Variants in ZBTB49 observed in about 807,000 individuals in gnomAD.
ZBTB49 encodes zinc finger and BTB domain-containing protein 49.
In ZBTB49, 43 loss-of-function variants were observed where a neutral mutation model predicts 57.5. The observed-to-expected ratio is 0.75, with a 90% CI of 0.59 to 0.97. The LOEUF (loss-of-function observed/expected upper bound fraction) is 0.97, where lower values mean the gene tolerates loss of function less well. Ranked by LOEUF, ZBTB49 falls within the 50% of genes least tolerant of loss-of-function variation. The probability of loss-of-function intolerance (pLI) is 0.00; values close to 1 mark genes in which losing one functional copy is unlikely to be tolerated. For synonymous variants in ZBTB49, 369 were observed against 362.1 expected (o/e 1.02, Z -0.22); for missense variants, 938 against 947.7 (o/e 0.99, Z 0.13).
intron 1 of ZBTB49, among the ~76,000 whole-genome samples, chr4:4,295,840 A>G (rs576718737): frequency 3.0e-4 from 45 of 152,334 alleles, no homozygotes; most frequent in South Asian, 1.2e-3. Flanking sequence ...GGGGAATCAG[A>G]ATAAGGTCTC....
intron 7 of ZBTB49, among the ~76,000 whole-genome samples, chr4:4,319,682 G>T (rs1364714377): frequency 6.6e-6 from 1 of 152,146 alleles, no homozygotes; most frequent in Non-Finnish European, 1.5e-5. Flanking sequence ...TTAGCCTGGT[G>T]TGTTGGCACA....
chr4:4,321,419 C>T lies in ZBTB49; in HGVS notation c.*103C>T. 8.4e-7 allele frequency: 1 copy of T among 1,192,778 alleles called. No individual in the cohort carries two copies. The highest frequency in any genetic ancestry group is 1.2e-6 in the Non-Finnish European group (1 of 846,168). 73.9% of individuals were successfully genotyped at this position (1,192,778 alleles called of 1,614,324 possible). A position where few individuals can be genotyped will look rare whatever the true frequency, so the allele number is the denominator to read the frequency against. ...CCCCATGACAGTGCCTTCTAACTAG[C>T]CAGAGAATAGGTAGCTTCCCTCCTG... On this transcript the variant is annotated 3_prime_UTR_variant, in exon 8 of 8. Transcript: ENST00000337872.
chr4:4,294,871 T>TTGTGTG (rs1560103816), intron 1 of ZBTB49, among the ~76,000 whole-genome samples: 1 of 83,884 alleles, frequency 1.2e-5, no homozygotes, highest in Non-Finnish European at 2.6e-5. Context: ...GAGGAGGGTT[T>TTGTGTG]CGTGTGTGTG....
At chr4:4,299,776 G>GGTGT (rs33911857) in intron 1 of ZBTB49, among the ~76,000 whole-genome samples, 151 bp from the exon 2 acceptor site, 13,288 of 103,446 alleles carry the variant, frequency 0.13, 1,386 homozygotes, top group African/African-American at 0.28. Flanking sequence ...CAGAAACAGA[G>GGTGT]GTGTGTGTGT....
At chr4:4,297,704 G>T (rs1720276423) in intron 1 of ZBTB49, among the ~76,000 whole-genome samples, 1 of 150,780 alleles carries the variant, frequency 6.6e-6, no homozygotes, top group Admixed American at 6.6e-5. Flanking sequence ...AGCCCAGGAG[G>T]TTAAGACTGC....
In ZBTB49 at chr4:4,299,921, CT is replaced by C. The variant is rs769901793; in HGVS notation, c.-19-5del. ...TATCTGTCGTATCTGTGATTTTTTG[CT>C]GTAGGTCACCTGAATGGTTGAGCAT... On this transcript the variant is annotated splice_region_variant and splice_polypyrimidine_tract_variant and intron_variant, in intron 1 of 7. Transcript: ENST00000337872. The C allele has an allele frequency of 1.9e-6, 3 of 1,610,130 alleles. No individual in the cohort carries two copies. In the Admixed American group the frequency reaches 5.1e-5, roughly 27 times the overall value.
chr4:4,316,910 C>T (rs1043489149), intron 7 of ZBTB49, among the ~76,000 whole-genome samples: 3 of 152,284 alleles, frequency 2.0e-5, no homozygotes, highest in South Asian at 4.1e-4. Context: ...TGGTGGCGTT[C>T]GCCTGTAATC....
chr4:4,309,195 C>T (rs867241159), intron 4 of ZBTB49, among the ~76,000 whole-genome samples: 20 of 152,178 alleles, frequency 1.3e-4, no homozygotes, highest in African/African-American at 4.1e-4. Context: ...AATAGTTAAC[C>T]GCAGCCTGCA....
Position 4,302,459 on chromosome 4 carries a change from A to G in ZBTB49, c.623A>G (p.Lys208Arg). The stretch of plus-strand genomic sequence containing the variant: ...GGCAGCTGCACAGAACTGCCTTTCA[A>G]ACAGCCAAATTACTATTACAAACTC... ...SDGSCTELPF[K>R]QPNYYYKLRN... is the part of the protein sequence containing the mutation. Residue 208 changes from lysine (K) to arginine (R), a missense_variant, in exon 3 of 8, where the codon AAA becomes AGA. Coordinates refer to ENST00000337872, the MANE Select transcript of ZBTB49 (RefSeq NM_145291.4). 5.0e-6 allele frequency: 8 copies of G among 1,614,188 alleles called. No homozygotes were observed. Among genetic ancestry groups the G allele is most frequent in the Non-Finnish European group, 6.8e-6 (8 of 1,180,024 alleles).
At chr4:4,316,109 A>C in intron 7 of ZBTB49, 139 bp downstream of exon 7, 6 of 1,144,754 alleles carry the variant, frequency 5.2e-6, no homozygotes, top group Non-Finnish European at 7.4e-6. Flanking sequence ...ATGATCTCTC[A>C]TTCATTCCTG....
At chr4:4,300,445 C>T (rs910608680) in intron 2 of ZBTB49, among the ~76,000 whole-genome samples, 4 of 151,996 alleles carry the variant, frequency 2.6e-5, no homozygotes, top group African/African-American at 7.2e-5. Context: ...ATTAAGTTCC[C>T]GGTCAGAATT....
rs1025558693 is a variant in ZBTB49, at chr4:4,300,090, T to C, written c.145T>C (p.Tyr49His). ...GAATGTCCTGGCAGCATTCAGCCAG[T>C]ATTTTAGGTGGGTATTTTAGACTTC... ...HKNVLAAFSQ[Y>H]FRSLFQNSSS... The change falls in exon 2 of 8, where the codon TAT becomes CAT. Residue 49 changes from tyrosine (Y) to histidine (H), a missense_variant. Tyr to His is a moderately conservative substitution (Grantham distance 83, BLOSUM62 2). Coordinates refer to ENST00000337872, the MANE Select transcript of ZBTB49 (RefSeq NM_145291.4). The C allele has an allele frequency of 6.2e-7, 1 of 1,614,082 alleles. No homozygotes were observed. The highest frequency in any genetic ancestry group is 1.6e-4 in the Middle Eastern group (1 of 6,062).
At chr4:4,309,684 A>G (rs951861813) in intron 4 of ZBTB49, among the ~76,000 whole-genome samples, 8 of 152,194 alleles carry the variant, frequency 5.3e-5, no homozygotes, top group African/African-American at 1.7e-4. Flanking sequence ...GGATTACCCT[A>G]TAGGAGGCAT....
At chr4:4,317,200 A>G (rs968325762) in intron 7 of ZBTB49, among the ~76,000 whole-genome samples, 1 of 151,954 alleles carries the variant, frequency 6.6e-6, no homozygotes, top group African/African-American at 2.4e-5. Flanking sequence ...CCTCTGCCCC[A>G]CTTTGGGTTC....
intron 1 of ZBTB49, among the ~76,000 whole-genome samples, chr4:4,295,397 C>T (rs1391285172): frequency 6.6e-6 from 1 of 152,146 alleles, no homozygotes; most frequent in Non-Finnish European, 1.5e-5. Context: ...AAACTGCTCC[C>T]ATGATCCAGT....
At chr4:4,306,833 C>A (rs1021504284) in intron 4 of ZBTB49, among the ~76,000 whole-genome samples, 1 of 152,218 alleles carries the variant, frequency 6.6e-6, no homozygotes, top group Non-Finnish European at 1.5e-5. Flanking sequence ...GTGCCCTGGG[C>A]TTCCAGAGGT....
At chr4:4,312,801 A>C (rs1460904192) in intron 4 of ZBTB49, among the ~76,000 whole-genome samples, 1 of 152,226 alleles carries the variant, frequency 6.6e-6, no homozygotes, top group Non-Finnish European at 1.5e-5. Flanking sequence ...ACTAGGACAC[A>C]GCCAAGGGCT....
rs71169632 is a variant in ZBTB49 at position 4,299,810 on chromosome 4, T to TGTGTGAGA, written c.-19-116_-19-115insTGTGAGAG. ...GTGTGTGTGTGTGTGTGTGTGTGTG[T>TGTGTGAGA]GAGAGAGAAACTGTGATGAGAGAGT... On this transcript the variant is annotated intron_variant, in intron 1 of 7. Coordinates refer to ENST00000337872, the MANE Select transcript of ZBTB49 (RefSeq NM_145291.4). 67 of 607,896 alleles carry TGTGTGAGA rather than the reference T, an allele frequency of 1.1e-4. No homozygotes were observed. The African/African-American group carries it at 1.2e-3, about 10-fold the overall frequency. 37.7% of individuals were successfully genotyped at this position (607,896 alleles called of 1,614,324 possible).
At chr4:4,316,935 G>A (rs1040086305) in intron 7 of ZBTB49, among the ~76,000 whole-genome samples, 2 of 152,218 alleles carry the variant, frequency 1.3e-5, no homozygotes, top group African/African-American at 4.8e-5. Flanking sequence ...CTACTTGGGA[G>A]GTTGAAGCTG....
Sources: gnomAD v4.1 joint callset for allele counts (sites outside exome capture counted in the v4.1 genomes callset) on GRCh38, gnomAD v4.1.1 for gene constraint, MANE v1.5 for transcripts, NCBI Gene and HGNC (gene_info 2026-07-23, HGNC 2026-07-21) for gene names.